The following JMJD1C variants were observed in gnomAD, a reference collection of about 807,000 sequenced individuals.
JMJD1C encodes jumonji domain containing 1C, also known as jumonji domain-containing protein 1C.
In JMJD1C, 31 loss-of-function variants were observed where a neutral mutation model predicts 245.3. The observed-to-expected ratio is 0.13, with a 90% confidence interval of 0.09 to 0.17. The LOEUF is 0.17. JMJD1C is among the 10% of genes least tolerant of loss of function. The probability of loss-of-function intolerance (pLI) is 1.00; values close to 1 mark genes in which losing one functional copy is unlikely to be tolerated. For missense variants in JMJD1C, 2,691 were observed against 3,000.2 expected, an observed-to-expected ratio of 0.90 and a Z score of 2.41; for synonymous variants, 1,057 against 1,017.4, an observed-to-expected ratio of 1.04 and a Z score of -0.74.
intron 1 of JMJD1C, among the ~76,000 whole-genome samples, chr10:63,448,144 CATTTT>C (rs1366270514): frequency 5.3e-5 from 8 of 152,002 alleles, no homozygotes; most frequent in African/African-American, 7.2e-5. Flanking sequence ...TTTCCCAATA[CATTTT>C]ATTTTATTTT....
chr10:63,468,770 G>C (rs7923437), upstream of JMJD1C, among the ~76,000 whole-genome samples: 1 of 152,096 alleles, frequency 6.6e-6, no homozygotes, highest in Non-Finnish European at 1.5e-5. Context: ...ACCAAAGACT[G>C]GGAGATTATT....
At chr10:63,434,654 G>A (rs1381909019) in intron 1 of JMJD1C, among the ~76,000 whole-genome samples, 1 of 152,088 alleles carries the variant, frequency 6.6e-6, no homozygotes, top group African/African-American at 2.4e-5. Flanking sequence ...AAGGCGGGAA[G>A]GATCACTTGA....
rs779787955 is a variant in JMJD1C, at chr10:63,465,681, G to T, written c.-19C>A. 3.7e-6 allele frequency: 6 copies of T among 1,606,106 alleles called. No individual in the cohort carries two copies. Among genetic ancestry groups the T allele is most frequent in the Non-Finnish European group, 3.4e-6 (4 of 1,179,750 alleles). On this transcript the variant is annotated 5_prime_UTR_variant, in exon 1 of 26. Coordinates refer to ENST00000399262, the MANE Select transcript of JMJD1C (RefSeq NM_032776.3). ...CCGCCATAGCTGTCGCTGCCGAAGC[G>T]GCCGCTGCCTCCTCCAGTGCGAGGG...
At chr10:63,501,309 A>C (rs1234117260) in intron 1 of JMJD1C, among the ~76,000 whole-genome samples, 2 of 152,224 alleles carry the variant, frequency 1.3e-5, no homozygotes, top group African/African-American at 2.4e-5. Context: ...GTGTTGAAGA[A>C]GACAAAGTGA....
At chr10:63,424,493 A>ATTTTTTT (rs1950314903) in intron 1 of JMJD1C, among the ~76,000 whole-genome samples, 1 of 89,266 alleles carries the variant, frequency 1.1e-5, no homozygotes, top group Non-Finnish European at 2.3e-5. Flanking sequence ...AACCATTATT[A>ATTTTTTT]TTTCTTTTTT....
chr10:63,460,619 A>G (rs1156678180), intron 1 of JMJD1C, among the ~76,000 whole-genome samples: 1 of 152,228 alleles, frequency 6.6e-6, no homozygotes, highest in Non-Finnish European at 1.5e-5. Context: ...GCATTTATGG[A>G]CACCTAAGTA....
At chr10:63,365,040 C>T (rs969903148) in intron 2 of JMJD1C, among the ~76,000 whole-genome samples, 1 of 152,216 alleles carries the variant, frequency 6.6e-6, no homozygotes, top group Non-Finnish European at 1.5e-5. Context: ...TCCACTCCAT[C>T]ACAATTATTC....
At chr10:63,296,666 T>C (rs1265034521) in intron 2 of JMJD1C, among the ~76,000 whole-genome samples, 1 of 152,226 alleles carries the variant, frequency 6.6e-6, no homozygotes, top group Admixed American at 6.5e-5. Flanking sequence ...TGCGTAAGTC[T>C]ATGAATGGTC....
chr10:63,192,261 A>T (rs1844924332), intron 16 of JMJD1C, among the ~76,000 whole-genome samples: 1 of 1,182 alleles, frequency 8.5e-4, no homozygotes, highest in African/African-American at 1.6e-3. Flanking sequence ...CAAAAACTAA[A>T]AAAAAAAAAA....
In JMJD1C at chr10:63,465,826, G is replaced by A. The variant is rs970777552; in HGVS notation, c.-164C>T. 1.3e-6 allele frequency: 1 copy of A among 786,868 alleles called. No individual in the cohort carries two copies. Among genetic ancestry groups the A allele is most frequent in the African/African-American group, 1.7e-5 (1 of 59,130 alleles). The allele number at this position is 786,868 out of a possible 1,614,324, so 48.7% of individuals were successfully genotyped here. A position where few individuals can be genotyped will look rare whatever the true frequency, so the allele number is the denominator to read the frequency against. ...CCGGCCGCTCTGCCCCGGACACAGC[G>A]ACCTCGGGCCCTCCCCGCAAACACT... On this transcript the variant is annotated 5_prime_UTR_variant, in exon 1 of 26. Coordinates refer to ENST00000399262, the MANE Select transcript of JMJD1C (RefSeq NM_032776.3).
intron 2 of JMJD1C, among the ~76,000 whole-genome samples, chr10:63,365,553 G>T (rs191994872): frequency 6.6e-6 from 1 of 152,216 alleles, no homozygotes; most frequent in East Asian, 1.9e-4. Flanking sequence ...GGTGGATCAC[G>T]AGGTCAGGAG....
At position 63,193,141 on chromosome 10, in the gene JMJD1C, T is replaced by A. The variant is rs1348817819; in HGVS notation, c.5873A>T (p.Asn1958Ile). The A allele has an allele frequency of 6.2e-7, 1 of 1,611,888 alleles. No individual in the cohort carries two copies. Among genetic ancestry groups the A allele is most frequent in the East Asian group, 2.2e-5 (1 of 44,866 alleles). ...AATTTTATTACTGTGATTAAGAACA[T>A]TCTGTAAAACCTACAAAGGTAGAAC... ...TMNGVSQVLQNVLNHSNKISL... is the reference protein window; with the variant it reads ...TMNGVSQVLQIVLNHSNKISL... The change falls in exon 16 of 26, where the codon AAT becomes ATT. Residue 1958 changes from asparagine to isoleucine, a missense_variant. Physicochemically the swap from Asn to Ile is moderately radical, Grantham distance 149 (BLOSUM62 -3). Transcript: ENST00000399262.
intron 2 of JMJD1C, among the ~76,000 whole-genome samples, chr10:63,366,834 A>G (rs1945881946): frequency 6.6e-6 from 1 of 152,230 alleles, no homozygotes. Context: ...AAAATGTTAC[A>G]TAAACAATAA....
At chr10:63,262,829 C>T (rs1322634810) in intron 3 of JMJD1C, among the ~76,000 whole-genome samples, 1 of 152,078 alleles carries the variant, frequency 6.6e-6, no homozygotes, top group Admixed American at 6.6e-5. Context: ...GGTACCCCCC[C>T]CACTCTCCCC....
chr10:63,451,739 C>A (rs1263798712), intron 1 of JMJD1C, among the ~76,000 whole-genome samples: 1 of 152,134 alleles, frequency 6.6e-6, no homozygotes, highest in Non-Finnish European at 1.5e-5. Context: ...CCCCACGATA[C>A]TGAGAGACAA....
In JMJD1C at chr10:63,215,350, G is replaced by T; in HGVS notation, c.928C>A (p.Arg310Ser). ...THQQQQQRSIRPNKRKGSDSS... is the reference protein window; with the variant it reads ...THQQQQQRSISPNKRKGSDSS... ...TCTGAGCCCTTCCTCTTATTTGGACGGATACTTCTTTGTTGCTGTTGCTGG... is the reference window on the plus strand; with the variant it reads ...TCTGAGCCCTTCCTCTTATTTGGACTGATACTTCTTTGTTGCTGTTGCTGG... The change falls in exon 7 of 26, where the codon CGT becomes AGT. Residue 310 changes from arginine to serine, a missense_variant. Transcript: ENST00000399262. 7 of 1,613,848 alleles carry T rather than the reference G, an allele frequency of 4.3e-6. No individual in the cohort carries two copies. The highest frequency in any genetic ancestry group is 5.9e-6 in the Non-Finnish European group (7 of 1,179,958).
At chr10:63,506,790 T>C (rs773280598) in intron 1 of JMJD1C, among the ~76,000 whole-genome samples, 9 of 152,176 alleles carry the variant, frequency 5.9e-5, no homozygotes, top group South Asian at 2.1e-4. Context: ...CCAAAGTCCA[T>C]AGTTAACATT....
chr10:63,386,237 A>G (rs1445641472), intron 1 of JMJD1C, among the ~76,000 whole-genome samples: 2 of 152,110 alleles, frequency 1.3e-5, no homozygotes, highest in Non-Finnish European at 2.9e-5. Flanking sequence ...TACAAACTTC[A>G]CAGACCCCAG....
chr10:63,467,981 T>C (rs1953367958), upstream of JMJD1C, among the ~76,000 whole-genome samples: 2 of 152,224 alleles, frequency 1.3e-5, no homozygotes, highest in Non-Finnish European at 2.9e-5. Context: ...CTTAAGAGTA[T>C]AGGTTGCTAG....
Sources: allele counts gnomAD v4.1 joint callset (sites outside exome capture counted in the v4.1 genomes callset), GRCh38; gene constraint gnomAD v4.1.1; transcripts MANE v1.5; gene names NCBI Gene and HGNC (gene_info 2026-07-23, HGNC 2026-07-21).